Variants in PTPRG observed in about 807,000 individuals in gnomAD.
PTPRG encodes the protein receptor-type tyrosine-protein phosphatase gamma.
In PTPRG, 102 loss-of-function variants were observed where a neutral mutation model predicts 165.3. The observed-to-expected ratio is 0.62, with a 90% CI of 0.53 to 0.73. The LOEUF (loss-of-function observed/expected upper bound fraction) is 0.73, where lower values mean the gene tolerates loss of function less well. PTPRG is among the 30% of genes least tolerant of loss of function. The pLI, the probability that PTPRG is intolerant of heterozygous loss-of-function variation, is 0.00. For synonymous variants in PTPRG, 675 were observed against 669.5 expected (o/e 1.01, Z -0.13); for missense variants, 1,866 against 1,861.4 (o/e 1.00, Z -0.05).
At chr3:61,952,220 G>A (rs748821404) in intron 2 of PTPRG, among the ~76,000 whole-genome samples, 1 of 151,682 alleles carries the variant, frequency 6.6e-6, no homozygotes, top group Admixed American at 6.6e-5. Context: ...GGCCCTGGGA[G>A]CCACCACTGA....
chr3:61,864,911 G>T (rs1575733589), intron 2 of PTPRG, among the ~76,000 whole-genome samples: 1 of 152,302 alleles, frequency 6.6e-6, no homozygotes, highest in African/African-American at 2.4e-5. Flanking sequence ...GGGAAGCTCT[G>T]TCATGATATT....
At chr3:61,925,232 G>T (rs147021969) in intron 2 of PTPRG, among the ~76,000 whole-genome samples, 1 of 152,180 alleles carries the variant, frequency 6.6e-6, no homozygotes, top group Non-Finnish European at 1.5e-5. Flanking sequence ...CCCATTGGCC[G>T]CATTCTGCTG....
intron 1 of PTPRG, among the ~76,000 whole-genome samples, chr3:61,713,739 G>A (rs1392451958): frequency 2.0e-5 from 3 of 152,096 alleles, no homozygotes; most frequent in African/African-American, 7.2e-5. Context: ...CAGGCAGCGT[G>A]TCCCAATTTT....
intron 5 of PTPRG, among the ~76,000 whole-genome samples, chr3:62,103,304 T>G (rs968396980): frequency 8.5e-6 from 1 of 117,586 alleles, no homozygotes; most frequent in African/African-American, 3.6e-5. Context: ...TAATAAAATA[T>G]TGAAGGTCTT....
chr3:62,018,331 C>T (rs993860416), intron 4 of PTPRG, among the ~76,000 whole-genome samples: 2 of 152,154 alleles, frequency 1.3e-5, no homozygotes, highest in South Asian at 2.1e-4. Flanking sequence ...TCTGCTTTTC[C>T]ACGTTCAGAT....
At chr3:61,592,879 G>A (rs1700607181) in intron 1 of PTPRG, among the ~76,000 whole-genome samples, 1 of 152,016 alleles carries the variant, frequency 6.6e-6, no homozygotes. Context: ...TTGGGGCATG[G>A]CCCCATCCTT....
intron 2 of PTPRG, among the ~76,000 whole-genome samples, chr3:61,986,553 T>C (rs527426374): frequency 6.6e-6 from 1 of 152,282 alleles, no homozygotes; most frequent in South Asian, 2.1e-4. Context: ...TACTTAGAGG[T>C]TGGCAGTATG....
At chr3:61,925,768 T>C in intron 2 of PTPRG, 1 of 384,296 alleles carries the variant, frequency 2.6e-6, no homozygotes. Flanking sequence ...TCATCATTGG[T>C]CAAAGTTGCA....
At chr3:62,248,550 A>G (rs1431455811) in intron 15 of PTPRG, among the ~76,000 whole-genome samples, 1 of 152,162 alleles carries the variant, frequency 6.6e-6, no homozygotes, top group African/African-American at 2.4e-5. Context: ...AAATCTAGTG[A>G]CTCAGGAATA....
rs867441157 is a variant in PTPRG at position 62,003,437 on chromosome 3, C to T, written c.459C>T (p.Gly153=). Residue 153 remains glycine (G), a synonymous_variant, in exon 4 of 30, where the codon GGC becomes GGT. Transcript: ENST00000474889. ...FKAEKVEFHW[G]HSNGSAGSEH... ...CTGAGAAGGTGGAATTTCACTGGGG[C>T]CACAGCAATGGCTCAGCGGGCTCTG... 1 of 1,614,060 alleles carries T rather than the reference C, an allele frequency of 6.2e-7. No homozygotes were observed. Among genetic ancestry groups the T allele is most frequent in the Middle Eastern group, 1.7e-4 (1 of 6,060 alleles).
At chr3:61,806,669 G>A (rs997811851) in intron 2 of PTPRG, among the ~76,000 whole-genome samples, 12 of 152,142 alleles carry the variant, frequency 7.9e-5, no homozygotes, top group African/African-American at 2.9e-4. Flanking sequence ...ATTGGCAAAT[G>A]AAAGGAGATG....
At chr3:62,200,342 C>T (rs932691460) in intron 10 of PTPRG, among the ~76,000 whole-genome samples, 3 of 152,116 alleles carry the variant, frequency 2.0e-5, no homozygotes, top group Non-Finnish European at 4.4e-5. Flanking sequence ...GCAATCTCTG[C>T]TCACTGCAGC....
intron 2 of PTPRG, among the ~76,000 whole-genome samples, chr3:61,876,896 C>T (rs1034484710): frequency 3.3e-5 from 5 of 152,002 alleles, no homozygotes; most frequent in African/African-American, 1.2e-4. Flanking sequence ...TAGAATTTGT[C>T]ATAATGTATT....
At chr3:62,091,789 G>A (rs972573067) in intron 5 of PTPRG, among the ~76,000 whole-genome samples, 4 of 152,156 alleles carry the variant, frequency 2.6e-5, no homozygotes, top group Non-Finnish European at 4.4e-5. Flanking sequence ...AGTGTTTGCC[G>A]TGGAGGGGAG....
chr3:61,959,556 C>G (rs2040105039), intron 2 of PTPRG, among the ~76,000 whole-genome samples: 1 of 152,178 alleles, frequency 6.6e-6, no homozygotes. Context: ...CTGAATCCTG[C>G]TGAGTGTCTT....
At chr3:61,905,769 A>T (rs1460399502) in intron 2 of PTPRG, among the ~76,000 whole-genome samples, 1 of 152,214 alleles carries the variant, frequency 6.6e-6, no homozygotes, top group Non-Finnish European at 1.5e-5. Context: ...GTGTTATTAG[A>T]AAACTTTCAA....
At chr3:62,253,775 T>G (rs1701474884) in intron 15 of PTPRG, among the ~76,000 whole-genome samples, 1 of 152,214 alleles carries the variant, frequency 6.6e-6, no homozygotes, top group Non-Finnish European at 1.5e-5. Flanking sequence ...GAAATATTTG[T>G]AAATAACTTG....
chr3:62,190,543 T>G lies in PTPRG; in HGVS notation c.1034-926T>G, dbSNP rs1255264173. ...AGATCCACCGTGTCCCTTAAACCTC[T>G]CAGCCCCAAGGAATAAGAAGATGAA... On this transcript the variant is annotated intron_variant, in intron 8 of 29. Coordinates refer to ENST00000474889, the MANE Select transcript of PTPRG (RefSeq NM_002841.4). This position sits in a 1 kb window ranked among gnomAD's most constrained non-coding sequence, Gnocchi z 5.2. Among the ~76,000 whole-genome samples the G allele has an allele frequency of 6.6e-6, 1 of 152,114 alleles. No individual in the cohort carries two copies. The highest frequency in any genetic ancestry group is 1.5e-5 in the Non-Finnish European group (1 of 68,018).
Position 62,081,010 on chromosome 3 carries a change from C to T in PTPRG, c.615+2752C>T, listed in dbSNP as rs575329601. 3.0e-4 allele frequency among the ~76,000 whole-genome samples: 45 copies of T among 152,148 alleles called. No homozygotes were observed. The South Asian group carries it at 9.4e-3, about 32-fold the overall frequency. ...CGGTGGCTCACACCTGTAATCCCAG[C>T]ACTTTGGAAGGCCGAGGCGGGCGGA... is the stretch of plus-strand genomic sequence containing the variant. On this transcript the variant is annotated intron_variant, in intron 5 of 29. Transcript: ENST00000474889.
Sources: gnomAD v4.1 joint callset for allele counts (sites outside exome capture counted in the v4.1 genomes callset) on GRCh38, gnomAD v4.1.1 for gene constraint, Gnocchi (gnomAD v3.1) non-coding constraint, MANE v1.5 for transcripts, NCBI Gene and HGNC (gene_info 2026-07-23, HGNC 2026-07-21) for gene names.